Variants in SLC38A11 observed in about 807,000 individuals in gnomAD.
SLC38A11 encodes solute carrier family 38 member 11.
In SLC38A11, 51 loss-of-function variants were observed where a neutral mutation model predicts 49.4. The observed-to-expected ratio is 1.03, with a 90% CI of 0.83 to 1.30. The LOEUF is 1.30. SLC38A11 is among the 50% of genes most tolerant of loss of function. The pLI, the probability that SLC38A11 is intolerant of heterozygous loss-of-function variation, is 0.00. For synonymous variants in SLC38A11, 203 were observed against 192.9 expected, an observed-to-expected ratio of 1.05 and a Z score of -0.43; for missense variants, 574 against 556.2, an observed-to-expected ratio of 1.03 and a Z score of -0.32.
intron 5 of SLC38A11, among the ~76,000 whole-genome samples, chr2:164,944,284 G>A (rs1687964657): frequency 6.6e-6 from 1 of 152,106 alleles, no homozygotes; most frequent in South Asian, 2.1e-4. Flanking sequence ...AGAAATGTTT[G>A]CCCAGAGAGC....
chr2:164,938,289 C>G (rs1687514590), intron 6 of SLC38A11, among the ~76,000 whole-genome samples: 1 of 152,120 alleles, frequency 6.6e-6, no homozygotes, highest in African/African-American at 2.4e-5. Flanking sequence ...CTAAGGCACA[C>G]AGCTGGAATG....
chr2:164,943,942 C>T (rs972315639), intron 5 of SLC38A11, among the ~76,000 whole-genome samples: 1 of 152,112 alleles, frequency 6.6e-6, no homozygotes, highest in African/African-American at 2.4e-5. Flanking sequence ...CTGCAGCCTC[C>T]ACCTCCTGGG....
chr2:164,944,405 C>T (rs964041113), intron 5 of SLC38A11, among the ~76,000 whole-genome samples, 164 bp downstream of exon 5: 1 of 151,810 alleles, frequency 6.6e-6, no homozygotes, highest in African/African-American at 2.4e-5. Context: ...TAAAAGTAGA[C>T]CAAAACTTTA....
intron 11 of SLC38A11, among the ~76,000 whole-genome samples, chr2:164,902,221 A>G (rs962997130): frequency 2.6e-5 from 4 of 151,770 alleles, no homozygotes; most frequent in African/African-American, 9.7e-5. Flanking sequence ...AGGGATCACT[A>G]TGTTGCCCCA....
In SLC38A11 at chr2:164,945,602, G is replaced by T. The variant is rs140192021; in HGVS notation, c.355C>A (p.Pro119Thr). 1.9e-6 allele frequency: 3 copies of T among 1,591,750 alleles called. No individual in the cohort carries two copies. Among genetic ancestry groups the T allele is most frequent in the Admixed American group, 1.9e-5 (1 of 52,688 alleles). Residue 119 changes from proline (P) to threonine (T), a missense_variant, in exon 4 of 12, where the codon CCT (proline) becomes ACT (threonine). By Grantham distance (38) the Pro-to-Thr change is conservative (BLOSUM62 -1). Transcript: ENST00000685975. ...LLLSVLQFLYPFIAMISYNII... is the reference protein window; with the variant it reads ...LLLSVLQFLYTFIAMISYNII... ...TTCACAGTCAACTTACCTATAAAAGGATACAAAAACTGAAGAACAGAGAGG... is the reference window on the plus strand; with the variant it reads ...TTCACAGTCAACTTACCTATAAAAGTATACAAAAACTGAAGAACAGAGAGG...
At chr2:164,929,476 A>G (rs1308887929) in intron 7 of SLC38A11, among the ~76,000 whole-genome samples, 1 of 152,098 alleles carries the variant, frequency 6.6e-6, no homozygotes, top group African/African-American at 2.4e-5. Context: ...AGTTGGAGGT[A>G]CCTTAAAAGA....
At chr2:164,922,313 G>A (rs1440399241) in intron 7 of SLC38A11, 3 of 152,166 alleles carry the variant, frequency 2.0e-5, no homozygotes, top group East Asian at 3.9e-4. Flanking sequence ...TTTTTAGTCA[G>A]ACACATCCGG....
chr2:164,935,908 G>C (rs1687339819), intron 7 of SLC38A11, among the ~76,000 whole-genome samples: 1 of 152,044 alleles, frequency 6.6e-6, no homozygotes, highest in Admixed American at 6.6e-5. Context: ...CTGAGATCTT[G>C]CTGTCTCTCT....
At chr2:164,912,633 G>A (rs1044511782) in intron 9 of SLC38A11, among the ~76,000 whole-genome samples, 8 of 152,100 alleles carry the variant, frequency 5.3e-5, no homozygotes, top group African/African-American at 1.7e-4. Flanking sequence ...CCAAACATAT[G>A]TTACCTTTCA....
At chr2:164,911,377 AT>A (rs1685388170) in intron 10 of SLC38A11, among the ~76,000 whole-genome samples, 2 of 152,260 alleles carry the variant, frequency 1.3e-5, no homozygotes, top group South Asian at 2.1e-4. Context: ...TTGTATAAAT[AT>A]TTGTGCTCAC....
intron 7 of SLC38A11, among the ~76,000 whole-genome samples, chr2:164,918,764 A>G (rs1240719149): frequency 1.3e-5 from 2 of 152,210 alleles, no homozygotes; most frequent in African/African-American, 4.8e-5. Flanking sequence ...TACAAGTTCA[A>G]TACACAGAAA....
intron 11 of SLC38A11, among the ~76,000 whole-genome samples, chr2:164,907,439 A>G (rs963193792): frequency 1.3e-5 from 2 of 151,250 alleles, no homozygotes; most frequent in Non-Finnish European, 3.0e-5. Flanking sequence ...AAACCCGGCT[A>G]ATTTTTTGTA....
intron 4 of SLC38A11, among the ~76,000 whole-genome samples, chr2:164,945,102 T>A (rs905213332): frequency 6.6e-6 from 1 of 152,178 alleles, no homozygotes; most frequent in South Asian, 2.1e-4. Context: ...AACAATACCT[T>A]CCATAGTACT....
intron 7 of SLC38A11, among the ~76,000 whole-genome samples, chr2:164,920,337 T>C (rs1366743215): frequency 6.8e-6 from 1 of 146,188 alleles, no homozygotes; most frequent in Non-Finnish European, 1.5e-5. Flanking sequence ...AGGCAGAAAA[T>C]ATATTTTAAA....
rs181575940 is a variant in SLC38A11, at chr2:164,952,023, G to A, written c.229+684C>T. On this transcript the variant is annotated intron_variant, in intron 3 of 11. Transcript: ENST00000685975. ...ACAGTGATCCTAAGGTAGAGGAGAC[G>A]CCATGTTTGTCATAAGGTGAGATGG... Among the ~76,000 whole-genome samples the A allele has an allele frequency of 1.1e-3, 167 of 152,210 alleles. 1 individual carries two copies. Among genetic ancestry groups the A allele is most frequent in the African/African-American group, 3.8e-3 (158 of 41,522 alleles).
chr2:164,897,405 A>G lies in SLC38A11; in HGVS notation c.*1032T>C, dbSNP rs1684396180. On this transcript the variant is annotated 3_prime_UTR_variant, in exon 12 of 12. Coordinates refer to ENST00000685975, the MANE Select transcript of SLC38A11 (RefSeq NM_001351537.2). ...TGAACAGGGACAACTCTGATGGGTC[A>G]TGTATGCACCAGCTTCCCTGTGGAT... 1 of 152,294 alleles carries G rather than the reference A, an allele frequency of 6.6e-6. No individual in the cohort carries two copies. Among genetic ancestry groups the G allele is most frequent in the South Asian group, 2.1e-4 (1 of 4,826 alleles). The allele number at this position is 152,294 out of a possible 1,614,324, so 9.4% of individuals were successfully genotyped here.
intron 11 of SLC38A11, among the ~76,000 whole-genome samples, chr2:164,906,013 T>C (rs1336363831): frequency 6.6e-6 from 1 of 152,100 alleles, no homozygotes; most frequent in Non-Finnish European, 1.5e-5. Flanking sequence ...AGATTAGCAA[T>C]TAACTTTACA....
In SLC38A11 at chr2:164,906,793, G is replaced by A. The variant is rs1452258932; in HGVS notation, c.1095+1847C>T. ...CCAGTCTCCTGAGGTTTTGGAAACT[G>A]CTTACTCCCCACTTTCCATTTACAA... is the stretch of plus-strand genomic sequence containing the variant. On this transcript the variant is annotated intron_variant, in intron 11 of 11. Coordinates refer to ENST00000685975, the MANE Select transcript of SLC38A11 (RefSeq NM_001351537.2). 7.9e-5 allele frequency among the ~76,000 whole-genome samples: 12 copies of A among 152,124 alleles called. 1 individual carries two copies. Among genetic ancestry groups the A allele is most frequent in the Non-Finnish European group, 7.4e-5 (5 of 68,020 alleles).
intron 10 of SLC38A11, among the ~76,000 whole-genome samples, chr2:164,909,106 AC>A (rs1308872137): frequency 2.0e-5 from 3 of 152,140 alleles, no homozygotes; most frequent in Non-Finnish European, 4.4e-5. Flanking sequence ...ATAGGTTACT[AC>A]TAAAACAAAC....
Sources: gnomAD v4.1 joint callset for allele counts (sites outside exome capture counted in the v4.1 genomes callset) on GRCh38, gnomAD v4.1.1 for gene constraint, MANE v1.5 for transcripts, NCBI Gene and HGNC (gene_info 2026-07-23, HGNC 2026-07-21) for gene names.